DYSF: variants seen among roughly 807,000 people sequenced by gnomAD.
DYSF encodes the protein dystrophy-associated fer-1-like 1.
In DYSF, 212 loss-of-function variants were observed where a neutral mutation model predicts 274.9. The ratio of observed to expected loss-of-function variants is 0.77; its 90% CI spans 0.69 to 0.86. The LOEUF (loss-of-function observed/expected upper bound fraction) is 0.86. Among genes scored for constraint, DYSF ranks in the 40% least tolerant of loss-of-function variants. The probability of loss-of-function intolerance (pLI) is 0.00; values close to 1 mark genes in which losing one functional copy is unlikely to be tolerated. For missense variants in DYSF, 2,666 were observed against 2,783.2 expected, an observed-to-expected ratio of 0.96 and a Z score of 0.95; for synonymous variants, 1,091 against 1,078.7, an observed-to-expected ratio of 1.01 and a Z score of -0.22.
intron 46 of DYSF, among the ~76,000 whole-genome samples, chr2:71,664,950 C>T (rs374729193): frequency 2.1e-4 from 32 of 152,328 alleles, no homozygotes; most frequent in African/African-American, 4.6e-4. Flanking sequence ...GTTGCAATTC[C>T]GTACTTAAAT....
chr2:71,668,862 G>A lies in DYSF; in HGVS notation c.5546+20G>A, dbSNP rs747092306. 2.0e-5 allele frequency: 32 copies of A among 1,610,490 alleles called. No homozygotes were observed. The Middle Eastern group carries it at 6.6e-4, about 33-fold the overall frequency. On this transcript the variant is annotated intron_variant, in intron 49 of 55. Transcript: ENST00000410020. ...CAGAAGGTGACTTGCCCAGCCACAG[G>A]CTCTGAGCTGGGCTGAGGGGTGGGG...
At position 71,528,328 on chromosome 2, in the gene DYSF, A is replaced by G. The variant is rs1209127665; in HGVS notation, c.1307A>G (p.Gln436Arg). 1 of 1,614,176 alleles carries G rather than the reference A, an allele frequency of 6.2e-7. No individual in the cohort carries two copies. Among genetic ancestry groups the G allele is most frequent in the Non-Finnish European group, 8.5e-7 (1 of 1,180,016 alleles). The change falls in exon 14 of 56, where the codon CAG becomes CGG. Residue 436 changes from glutamine to arginine, a missense_variant. Physicochemically the swap from Gln to Arg is conservative, Grantham distance 43. Around this residue, in one of 3 missense-constraint regions of DYSF, gnomAD observed 794 missense variants for 777.1 expected, o/e 1.02. Coordinates refer to ENST00000410020, the MANE Select transcript of DYSF (RefSeq NM_001130987.2). The part of the protein sequence containing the change: ...MDDAVMDNVK[Q>R]IFGFESNKKN... ...GATGCCGTGATGGACAACGTGAAAC[A>G]GATCTTTGGCTTCGAGAGTAACAAG...
intron 17 of DYSF, among the ~76,000 whole-genome samples, chr2:71,550,547 A>G (rs2090865186): frequency 6.6e-6 from 1 of 151,618 alleles, no homozygotes; most frequent in Non-Finnish European, 1.5e-5. Context: ...TTCTCTGGTT[A>G]CCGGGCTCTG....
chr2:71,533,873 TTA>T (rs1287717781), intron 14 of DYSF, among the ~76,000 whole-genome samples: 1 of 152,218 alleles, frequency 6.6e-6, no homozygotes, highest in East Asian at 1.9e-4. Context: ...AAGCATCTTT[TTA>T]TATGTCTCAA....
intron 42 of DYSF, among the ~76,000 whole-genome samples, chr2:71,651,982 G>C (rs1246442720): frequency 6.6e-6 from 1 of 152,092 alleles, no homozygotes; most frequent in Non-Finnish European, 1.5e-5. Flanking sequence ...TTGGAAATAG[G>C]AGTTTCCTTA....
In DYSF at chr2:71,600,690, C is replaced by A. The variant is rs114968209; in HGVS notation, c.3757-12C>A. The A allele has an allele frequency of 6.2e-7, 1 of 1,614,072 alleles. No homozygotes were observed. Among genetic ancestry groups the A allele is most frequent in the East Asian group, 2.2e-5 (1 of 44,886 alleles). On this transcript the variant is annotated splice_polypyrimidine_tract_variant and intron_variant, in intron 33 of 55. Transcript: ENST00000410020. Reference sequence around the variant, plus strand: ...AGGGATGCTGATTCTTGTCTCTCTACGCTTGGTCTAGGGTGCAGACGAGTT... The same window carrying A: ...AGGGATGCTGATTCTTGTCTCTCTAAGCTTGGTCTAGGGTGCAGACGAGTT...
intron 52 of DYSF, among the ~76,000 whole-genome samples, chr2:71,677,782 C>T (rs948888404): frequency 2.0e-5 from 3 of 152,164 alleles, no homozygotes; most frequent in Non-Finnish European, 4.4e-5. Flanking sequence ...AACTGTTTGG[C>T]AGTTCCTTGA....
chr2:71,564,223 CT>C lies in DYSF; in HGVS notation c.2565+16del, dbSNP rs2091952175. 2 of 1,614,238 alleles carry C rather than the reference CT, an allele frequency of 1.2e-6. No homozygotes were observed. The highest frequency in any genetic ancestry group is 2.7e-5 in the African/African-American group (2 of 75,054). The stretch of plus-strand genomic sequence containing the variant: ...GACAATCTTTCTGAAAGTGAGTTTT[CT>C]TTTTTCCCAAGTCATGATCGTATTT... On this transcript the variant is annotated intron_variant, in intron 24 of 55. Coordinates refer to ENST00000410020, the MANE Select transcript of DYSF (RefSeq NM_001130987.2).
At chr2:71,665,716 G>A (rs1346814289) in intron 47 of DYSF, among the ~76,000 whole-genome samples, 1 of 152,172 alleles carries the variant, frequency 6.6e-6, no homozygotes, top group Non-Finnish European at 1.5e-5. Flanking sequence ...GCACCAGCCT[G>A]GCAGCTTGAC....
intron 32 of DYSF, among the ~76,000 whole-genome samples, chr2:71,593,842 G>A (rs750602835): frequency 6.6e-6 from 1 of 152,182 alleles, no homozygotes; most frequent in African/African-American, 2.4e-5. Context: ...CTCAGCTTAG[G>A]AGGGGCCCAG....
chr2:71,685,682 C>G (rs1020638564), intron 55 of DYSF, among the ~76,000 whole-genome samples: 3 of 152,210 alleles, frequency 2.0e-5, no homozygotes, highest in Non-Finnish European at 4.4e-5. Flanking sequence ...CAGCTTCCCC[C>G]TCAGAGCCAG....
At chr2:71,618,060 T>A (rs1245628769) in intron 40 of DYSF, among the ~76,000 whole-genome samples, 1 of 25,902 alleles carries the variant, frequency 3.9e-5, no homozygotes, top group Non-Finnish European at 7.6e-5. Flanking sequence ...GTGTGTGTGG[T>A]AGAGATGGGG....
chr2:71,612,895 C>G, intron 39 of DYSF, 89 bp downstream of exon 39: 1 of 1,460,666 alleles, frequency 6.8e-7, no homozygotes, highest in South Asian at 1.3e-5. Context: ...TCCTGAAACC[C>G]TTCTCTTACG....
chr2:71,555,481 A>T (rs1253439568), intron 21 of DYSF, among the ~76,000 whole-genome samples: 1 of 152,152 alleles, frequency 6.6e-6, no homozygotes, highest in Non-Finnish European at 1.5e-5. Flanking sequence ...AGCAGGCCAC[A>T]GGAGTTTGAG....
At chr2:71,514,848 T>A (rs1443979645) in intron 7 of DYSF, among the ~76,000 whole-genome samples, 1 of 152,192 alleles carries the variant, frequency 6.6e-6, no homozygotes, top group Non-Finnish European at 1.5e-5. Flanking sequence ...TTGTTCTCTT[T>A]ATGGAAATAC....
At chr2:71,614,326 G>C (rs746687790) in intron 40 of DYSF, among the ~76,000 whole-genome samples, 3 of 152,220 alleles carry the variant, frequency 2.0e-5, no homozygotes, top group Non-Finnish European at 4.4e-5. Flanking sequence ...AGAGCCTCCA[G>C]GCCTGTATAG....
chr2:71,673,620 C>A lies in DYSF; in HGVS notation c.5785-577C>A, dbSNP rs539305671. 3.9e-5 allele frequency among the ~76,000 whole-genome samples: 6 copies of A among 152,172 alleles called. No homozygotes were observed. The South Asian group carries it at 1.2e-3, about 32-fold the overall frequency. ...GGGTCCCTCAGGGTCTCAGTTACCC[C>A]ACCCTGACCCTGAGATGCCAGGTAC... On this transcript the variant is annotated intron_variant, in intron 51 of 55. Transcript: ENST00000410020.
chr2:71,602,782 G>T lies in DYSF; in HGVS notation c.3934G>T (p.Glu1312Ter). 1.2e-6 allele frequency: 2 copies of T among 1,613,390 alleles called. No individual in the cohort carries two copies. The highest frequency in any genetic ancestry group is 8.5e-7 in the Non-Finnish European group (1 of 1,179,920). Residue 1312 changes from glutamate to a stop codon, truncating the protein, a stop_gained, in exon 36 of 56, where the codon GAG becomes TAG. Coordinates refer to ENST00000410020, the MANE Select transcript of DYSF (RefSeq NM_001130987.2). LOFTEE classifies it high-confidence loss of function. Reference protein sequence around the residue: ...IHHIPGFEVQETSRILDESED... With the variant: ...IHHIPGFEVQ ...TCCCATGGCTGTGGGCCAGGTGCAGGAGACATCAAGGATCCTGGATGAGGT... is the reference window on the plus strand; with the variant it reads ...TCCCATGGCTGTGGGCCAGGTGCAGTAGACATCAAGGATCCTGGATGAGGT...
At chr2:71,606,001 C>G (rs11890737) in intron 36 of DYSF, among the ~76,000 whole-genome samples, 76 of 152,228 alleles carry the variant, frequency 5.0e-4, no homozygotes, top group African/African-American at 1.6e-3. Context: ...GTCTTCTGTC[C>G]TCTGCTGGGT....
Sources: allele counts gnomAD v4.1 joint callset (sites outside exome capture counted in the v4.1 genomes callset), GRCh38; gene constraint gnomAD v4.1.1; regional missense constraint gnomAD v4.1.1; transcripts MANE v1.5; gene names NCBI Gene and HGNC (gene_info 2026-07-23, HGNC 2026-07-21).